EZH2: variants seen among roughly 807,000 people sequenced by gnomAD.
EZH2 encodes enhancer of zeste 2 polycomb repressive complex 2 subunit.
EZH2 carries 18 observed loss-of-function variants against 98.4 expected under a neutral mutation model. The observed-to-expected ratio is 0.18, with a 90% CI of 0.13 to 0.27. The LOEUF (loss-of-function observed/expected upper bound fraction) is 0.27, where lower values mean the gene tolerates loss of function less well. EZH2 is among the 10% of genes least tolerant of loss of function. The pLI is 1.00. For missense variants in EZH2, 470 were observed against 935.1 expected (o/e 0.50, Z 6.49); for synonymous variants, 338 against 312.3 (o/e 1.08, Z -0.87).
intron 1 of EZH2, among the ~76,000 whole-genome samples, chr7:148,865,230 T>C (rs1462031077): frequency 6.6e-6 from 1 of 151,816 alleles, no homozygotes; most frequent in African/African-American, 2.4e-5. Flanking sequence ...CTTCACTGAA[T>C]AAAAGCAAAC....
chr7:148,834,656 A>AG (rs1297512612), intron 3 of EZH2, among the ~76,000 whole-genome samples: 3 of 152,210 alleles, frequency 2.0e-5, no homozygotes, highest in African/African-American at 7.2e-5. Context: ...GCAAAGATAA[A>AG]GGTAATAATA....
chr7:148,862,997 T>TCA, intron 1 of EZH2, among the ~76,000 whole-genome samples: 1 of 149,884 alleles, frequency 6.7e-6, no homozygotes, highest in East Asian at 2.0e-4. Context: ...GACACAAGAA[T>TCA]CACTTGAACC....
chr7:148,851,298 C>T (rs1488644412), intron 1 of EZH2, among the ~76,000 whole-genome samples: 1 of 152,116 alleles, frequency 6.6e-6, no homozygotes, highest in African/African-American at 2.4e-5. Context: ...AGTTAGAGAT[C>T]TTCAGCCTAA....
intron 1 of EZH2, 92 bp from the exon 2 acceptor site, chr7:148,847,397 GA>G (rs1458076000): frequency 6.7e-7 from 1 of 1,494,438 alleles, no homozygotes; most frequent in African/African-American, 1.4e-5. Context: ...AACAATCAGT[GA>G]AGAAATGACA....
At chr7:148,862,640 T>C (rs1168082320) in intron 1 of EZH2, among the ~76,000 whole-genome samples, 1 of 152,176 alleles carries the variant, frequency 6.6e-6, no homozygotes, top group African/African-American at 2.4e-5. Flanking sequence ...GCTCACAACT[T>C]AATCACGTAA....
intron 3 of EZH2, among the ~76,000 whole-genome samples, chr7:148,837,349 C>G (rs921781564): frequency 6.6e-6 from 1 of 152,164 alleles, no homozygotes; most frequent in South Asian, 2.1e-4. Flanking sequence ...GTGACAACAG[C>G]GAGGAAGGTG....
intron 1 of EZH2, among the ~76,000 whole-genome samples, chr7:148,867,111 G>C (rs1818663832): frequency 6.6e-6 from 1 of 151,730 alleles, no homozygotes; most frequent in South Asian, 2.1e-4. Context: ...CAGATAACCT[G>C]AGGGCAGGAG....
At chr7:148,830,742 A>G (rs963283202) in intron 4 of EZH2, among the ~76,000 whole-genome samples, 1 of 152,226 alleles carries the variant, frequency 6.6e-6, no homozygotes, top group African/African-American at 2.4e-5. Context: ...AGAATAGCCA[A>G]TCAAACAAAA....
chr7:148,849,162 CATGGATTTGGAACTCACGGATATGGAAG>C lies in EZH2; in HGVS notation c.-7-1885_-7-1858del, dbSNP rs1815021123. ...TGGTTAAATCCATGAATTCAGGATC[CATGGATTTGGAACTCACGGATATGGAAG>C]GCTGACTGTTTATACAAAAGCACTT... is the stretch of plus-strand genomic sequence containing the variant. On this transcript the variant is annotated intron_variant, in intron 1 of 19. Transcript: ENST00000320356. Among the ~76,000 whole-genome samples the C allele has an allele frequency of 3.3e-5, 5 of 151,912 alleles. 1 individual carries two copies. The highest frequency in any genetic ancestry group is 3.3e-4 in the Admixed American group (5 of 15,246).
At chr7:148,865,594 G>T (rs1156466152) in intron 1 of EZH2, among the ~76,000 whole-genome samples, 1 of 152,144 alleles carries the variant, frequency 6.6e-6, no homozygotes, top group East Asian at 1.9e-4. Flanking sequence ...GAAGAGCAAT[G>T]ATCTGTTCTC....
At chr7:148,815,176 C>A (rs1351234716) in intron 13 of EZH2, 137 bp from the exon 14 acceptor site, 5 of 1,156,762 alleles carry the variant, frequency 4.3e-6, no homozygotes, top group African/African-American at 1.6e-5. Context: ...TAACATTACA[C>A]ATATTCCGGT....
At position 148,817,947 on chromosome 7, in the gene EZH2, C is replaced by G; in HGVS notation, c.1170G>C (p.Gly390=). The G allele has an allele frequency of 6.2e-7, 1 of 1,614,178 alleles. No homozygotes were observed. Among genetic ancestry groups the G allele is most frequent in the Non-Finnish European group, 8.5e-7 (1 of 1,180,026 alleles). ...CATTGTTCTCTCCCCCCGTTTCAGT[C>G]CCTGCTTCCCTATCACTGTCTGTAT... ...SKDTDSDREA[G]TETGGENNDK... Residue 390 remains glycine, a synonymous_variant, in exon 10 of 20, where the codon GGG becomes GGC. Coordinates refer to ENST00000320356, the MANE Select transcript of EZH2 (RefSeq NM_004456.5).
intron 3 of EZH2, among the ~76,000 whole-genome samples, chr7:148,835,369 G>C (rs1346696192): frequency 6.6e-6 from 1 of 150,434 alleles, no homozygotes; most frequent in Non-Finnish European, 1.5e-5. Context: ...GCTGCAGTAA[G>C]TTGTGATCAG....
In EZH2 at chr7:148,807,564, C is replaced by T; in HGVS notation, c.*82G>A. 1 of 1,136,156 alleles carries T rather than the reference C, an allele frequency of 8.8e-7. No individual in the cohort carries two copies. The highest frequency in any genetic ancestry group is 1.3e-5 in the South Asian group (1 of 74,914). The allele number at this position is 1,136,156 out of a possible 1,614,324, so 70.4% of individuals were successfully genotyped here. ...AATTCAGAATTTCAAACTGCATGTT[C>T]TTTTTCTAAATTGCCCACAGTACTC... On this transcript the variant is annotated 3_prime_UTR_variant, in exon 20 of 20. Coordinates refer to ENST00000320356, the MANE Select transcript of EZH2 (RefSeq NM_004456.5).
At chr7:148,865,744 C>T (rs1349653153) in intron 1 of EZH2, among the ~76,000 whole-genome samples, 3 of 152,158 alleles carry the variant, frequency 2.0e-5, no homozygotes, top group African/African-American at 7.2e-5. Flanking sequence ...ATCCTAATCC[C>T]CAAATAAGAT....
chr7:148,834,379 AC>A (rs1205131606), intron 3 of EZH2, among the ~76,000 whole-genome samples: 2 of 146,096 alleles, frequency 1.4e-5, no homozygotes, highest in Admixed American at 6.7e-5. Flanking sequence ...ACACACACAC[AC>A]ACATATTAAA....
At chr7:148,817,848 G>T (rs758662638) in intron 10 of EZH2, 29 bp downstream of exon 10, 2 of 1,614,074 alleles carry the variant, frequency 1.2e-6, no homozygotes, top group Non-Finnish European at 1.7e-6. Context: ...TCACAGAACA[G>T]TAAAACCCAG....
intron 1 of EZH2, among the ~76,000 whole-genome samples, chr7:148,873,361 G>A (rs575289543): frequency 2.0e-5 from 3 of 151,576 alleles, no homozygotes; most frequent in Non-Finnish European, 4.4e-5. Context: ...GCGTAGTGGC[G>A]TGTGCCTGTA....
intron 1 of EZH2, among the ~76,000 whole-genome samples, chr7:148,872,914 G>A (rs1045358033): frequency 2.6e-5 from 4 of 151,964 alleles, no homozygotes; most frequent in Admixed American, 6.6e-5. Flanking sequence ...GCAGCTGAGG[G>A]ATAAAGATCA....
Sources: allele counts gnomAD v4.1 joint callset (sites outside exome capture counted in the v4.1 genomes callset), GRCh38; gene constraint gnomAD v4.1.1; transcripts MANE v1.5; gene names NCBI Gene and HGNC (gene_info 2026-07-23, HGNC 2026-07-21).